The following NR4A1 variants were observed in gnomAD, a reference collection of about 807,000 sequenced individuals.
The protein encoded by NR4A1 is nuclear receptor subfamily 4 group A member 1.
A neutral mutation model predicts 47.5 loss-of-function variants in NR4A1; 24 were observed. The observed-to-expected ratio is 0.50, with a 90% CI of 0.37 to 0.71. The LOEUF is 0.71. Among genes scored for constraint, NR4A1 ranks in the 30% least tolerant of loss-of-function variants. The pLI, the probability that NR4A1 is intolerant of heterozygous loss-of-function variation, is 0.00. For synonymous variants in NR4A1, 353 were observed against 345.7 expected (o/e 1.02, Z -0.24); for missense variants, 669 against 788.6 (o/e 0.85, Z 1.82).
chr12:52,051,793 G>T (rs1178719054), intron 1 of NR4A1, among the ~76,000 whole-genome samples: 2 of 152,108 alleles, frequency 1.3e-5, no homozygotes, highest in African/African-American at 2.4e-5. Context: ...GCTGTAGGGG[G>T]TTGGGGTTGG....
chr12:52,058,649 G>A (rs1592310963), intron 6 of NR4A1, 39 bp from the exon 7 acceptor site: 3 of 1,505,816 alleles, frequency 2.0e-6, no homozygotes, highest in Non-Finnish European at 2.7e-6. Flanking sequence ...TGGGGGCCTG[G>A]TTCTCAGATG....
intron 6 of NR4A1, among the ~76,000 whole-genome samples, chr12:52,058,010 A>G (rs1218465619): frequency 6.6e-6 from 1 of 152,076 alleles, no homozygotes; most frequent in Non-Finnish European, 1.5e-5. Context: ...TAAAAATAAG[A>G]TGGGAATCTC....
intron 1 of NR4A1, among the ~76,000 whole-genome samples, chr12:52,034,515 G>C (rs995599168): frequency 3.9e-5 from 6 of 152,214 alleles, no homozygotes; most frequent in Admixed American, 2.6e-4. Context: ...ATCTGCAATA[G>C]GGGCTGTGAA....
intron 2 of NR4A1, 169 bp from the exon 3 acceptor site, chr12:52,055,861 G>GCCC (rs1289347596): frequency 3.9e-6 from 1 of 255,706 alleles, no homozygotes; most frequent in African/African-American, 2.6e-5. Flanking sequence ...CTCTCCCCCC[G>GCCC]CCCAACCCCG....
At position 52,055,205 on chromosome 12, in the gene NR4A1, G is replaced by T; in HGVS notation, c.876+1G>T. 1 of 1,611,660 alleles carries T rather than the reference G, an allele frequency of 6.2e-7. No individual in the cohort carries two copies. Among genetic ancestry groups the T allele is most frequent in the Non-Finnish European group, 8.5e-7 (1 of 1,180,012 alleles). On this transcript the variant is annotated splice_donor_variant, in intron 2 of 6. Transcript: ENST00000394825. LOFTEE classifies it high-confidence loss of function. ...TGAGGGCTGCAAGGGCTTCTTCAAG[G>T]TACCGCGCAGCCCCAGGTGGGGCCT... is the stretch of plus-strand genomic sequence containing the variant.
chr12:52,038,140 C>T, intron 1 of NR4A1: 1 of 879,108 alleles, frequency 1.1e-6, no homozygotes, highest in Non-Finnish European at 1.4e-6. Flanking sequence ...TCTCGGCTCA[C>T]TGCAATCTCC....
exon 2 of NR4A1, chr12:52,041,851 C>T (rs1316211749): frequency 6.6e-6 from 10 of 1,512,580 alleles, no homozygotes; most frequent in Non-Finnish European, 8.8e-6. Flanking sequence ...CCCTCCCAGG[C>T]AGCCTGGCTC....
Position 52,056,089 on chromosome 12 carries a change from C to G in NR4A1, c.936C>G (p.Asp312Glu). 6.2e-7 allele frequency: 1 copy of G among 1,611,692 alleles called. No individual in the cohort carries two copies. The highest frequency in any genetic ancestry group is 8.5e-7 in the Non-Finnish European group (1 of 1,179,024). The change falls in exon 3 of 7, where the codon GAC becomes GAG. Residue 312 changes from aspartate to glutamate, a missense_variant. Coordinates refer to ENST00000394825, the MANE Select transcript of NR4A1 (RefSeq NM_173157.3). ...ICLANKDCPV[D>E]KRRRNRCQFC... is the part of the protein sequence containing the mutation. Reference sequence around the variant, plus strand: ...TGGCTAACAAGGACTGCCCTGTGGACAAGAGGCGGCGAAACCGCTGCCAGT... The same window carrying G: ...TGGCTAACAAGGACTGCCCTGTGGAGAAGAGGCGGCGAAACCGCTGCCAGT...
At chr12:52,029,133 A>G (rs976975042) in intron 1 of NR4A1, among the ~76,000 whole-genome samples, 2 of 152,186 alleles carry the variant, frequency 1.3e-5, no homozygotes, top group African/African-American at 4.8e-5. Context: ...AGAGCAGTGG[A>G]AAGTGAGTGA....
At chr12:52,026,734 C>A (rs1938007761) in intron 1 of NR4A1, among the ~76,000 whole-genome samples, 1 of 152,168 alleles carries the variant, frequency 6.6e-6, no homozygotes, top group Admixed American at 6.5e-5. Flanking sequence ...TGAGGCTTAG[C>A]AGATGTACAA....
At position 52,056,035 on chromosome 12, in the gene NR4A1, A is replaced by G; in HGVS notation, c.882A>G (p.Thr294=). 7.7e-7 allele frequency: 1 copy of G among 1,298,488 alleles called. No individual in the cohort carries two copies. The highest frequency in any genetic ancestry group is 1.0e-6 in the Non-Finnish European group (1 of 994,862). The allele number at this position is 1,298,488 out of a possible 1,614,324, so 80.4% of individuals were successfully genotyped here. A position where few individuals can be genotyped will look rare whatever the true frequency, so the allele number is the denominator to read the frequency against. Reference sequence around the variant, plus strand: ...CGTGTTGCCCCCCCACCCAGCGCACAGTGCAGAAAAACGCCAAGTACATCT... The same window carrying G: ...CGTGTTGCCCCCCCACCCAGCGCACGGTGCAGAAAAACGCCAAGTACATCT... ...CEGCKGFFKR[T]VQKNAKYICL... is the part of the protein sequence containing the mutation. Residue 294 remains threonine, a synonymous_variant, in exon 3 of 7, where the codon ACA becomes ACG. Coordinates refer to ENST00000394825, the MANE Select transcript of NR4A1 (RefSeq NM_173157.3).
upstream of NR4A1, among the ~76,000 whole-genome samples, chr12:52,050,550 C>G (rs1457927080): frequency 1.3e-5 from 2 of 152,242 alleles, no homozygotes; most frequent in Non-Finnish European, 2.9e-5. Context: ...CGGTAATTTC[C>G]CAACTAGGGT....
chr12:52,050,492 T>C (rs1334007433), upstream of NR4A1, among the ~76,000 whole-genome samples: 1 of 152,210 alleles, frequency 6.6e-6, no homozygotes, highest in Non-Finnish European at 1.5e-5. Context: ...GAGGAAGAGT[T>C]GGCACAAGTT....
At chr12:52,057,648 C>T in intron 6 of NR4A1, 118 bp downstream of exon 6, 1 of 1,147,414 alleles carries the variant, frequency 8.7e-7, no homozygotes, top group African/African-American at 1.5e-5. Flanking sequence ...TTCTGGGCCC[C>T]TGCACTGCCC....
Position 52,057,217 on chromosome 12 carries a change from A to T in NR4A1, c.1319A>T (p.Glu440Val). Residue 440 changes from glutamate to valine, a missense_variant, in exon 5 of 7, where the codon GAG becomes GTG. Physicochemically the swap from Glu to Val is moderately radical, Grantham distance 121. Transcript: ENST00000394825. Reference protein sequence around the residue: ...LSPADQDLLLESAFLELFILR... With the variant: ...LSPADQDLLLVSAFLELFILR... ...CCGGCTGACCAGGACCTGTTGCTGGAGTCGGCCTTCCTGGAGCTCTTCATC... is the reference window on the plus strand; with the variant it reads ...CCGGCTGACCAGGACCTGTTGCTGGTGTCGGCCTTCCTGGAGCTCTTCATC... 1.9e-6 allele frequency: 3 copies of T among 1,613,964 alleles called. No individual in the cohort carries two copies. The highest frequency in any genetic ancestry group is 2.5e-6 in the Non-Finnish European group (3 of 1,179,910).
rs60552358 is a variant in NR4A1 at position 52,052,268 on chromosome 12, CGTGTGTGT to C, written c.-3+730_-3+737del. On this transcript the variant is annotated intron_variant, in intron 1 of 6. Transcript: ENST00000394825. ...ATTGATTTCGCTGGGGCTTGGATCACGTGTGTGTGTGTGTGTGTGTGTGTGTGTGTGTG... is the reference window on the plus strand; with the variant it reads ...ATTGATTTCGCTGGGGCTTGGATCACGTGTGTGTGTGTGTGTGTGTGTGTG... 3.3e-3 allele frequency among the ~76,000 whole-genome samples: 431 copies of C among 129,990 alleles called. 1 individual carries two copies. Among genetic ancestry groups the C allele is most frequent in the Admixed American group, 7.1e-3 (95 of 13,332 alleles). The allele number at this position is 129,990 out of a possible 152,430, so 85.3% of individuals were successfully genotyped here.
At chr12:52,045,702 T>C in intron 2 of NR4A1, 1 of 316,174 alleles carries the variant, frequency 3.2e-6, no homozygotes, top group Non-Finnish European at 6.5e-6. Flanking sequence ...TCTTCCATAT[T>C]TCGCCCCTGC....
chr12:52,046,316 G>C (rs186921201), intron 2 of NR4A1, among the ~76,000 whole-genome samples: 1 of 152,186 alleles, frequency 6.6e-6, no homozygotes, highest in Non-Finnish European at 1.5e-5. Context: ...GATGCACAAA[G>C]GATCTTCCCA....
chr12:52,048,021 G>C (rs1477826163), upstream of NR4A1, among the ~76,000 whole-genome samples: 1 of 151,738 alleles, frequency 6.6e-6, no homozygotes. Flanking sequence ...GGGTGTGGTG[G>C]CAGGCACCTG....
Sources: allele counts gnomAD v4.1 joint callset (sites outside exome capture counted in the v4.1 genomes callset), GRCh38; gene constraint gnomAD v4.1.1; transcripts MANE v1.5; gene names NCBI Gene and HGNC (gene_info 2026-07-23, HGNC 2026-07-21).